The following CIB4 variants were observed in gnomAD, a reference collection of about 807,000 sequenced individuals.
The protein encoded by CIB4 is calcium and integrin-binding family member 4.
CIB4 carries 25 observed loss-of-function variants against 25.8 expected under a neutral mutation model. The observed-to-expected ratio is 0.97, with a 90% CI of 0.71 to 1.35. The LOEUF (loss-of-function observed/expected upper bound fraction) is 1.35. Ranked by LOEUF, CIB4 falls within the 40% of genes most tolerant of loss-of-function variation. CIB4 has a pLI of 0.00. For synonymous variants in CIB4, 75 were observed against 81.4 expected (o/e 0.92, Z 0.42); for missense variants, 235 against 228.2 (o/e 1.03, Z -0.19).
chr2:26,593,791 C>A (rs947437170), intron 4 of CIB4, among the ~76,000 whole-genome samples: 5 of 152,228 alleles, frequency 3.3e-5, no homozygotes, highest in African/African-American at 4.8e-5. Flanking sequence ...GTGGTGGCAG[C>A]TCAAATCTCA....
At chr2:26,587,867 C>G (rs1558553932) in intron 4 of CIB4, among the ~76,000 whole-genome samples, 1 of 152,234 alleles carries the variant, frequency 6.6e-6, no homozygotes, top group Non-Finnish European at 1.5e-5. Context: ...TTTCCATACT[C>G]ATTTCTACTA....
chr2:26,616,157 T>A (rs1025696680), intron 3 of CIB4, among the ~76,000 whole-genome samples: 1 of 151,954 alleles, frequency 6.6e-6, no homozygotes, highest in East Asian at 1.9e-4. Flanking sequence ...CCTTGAGGAG[T>A]AAGTGAGATG....
rs1488400123 is a variant in CIB4, at chr2:26,627,042, T to A, written c.186+2368A>T. ...AGCCCTCCTGATCTTAGTCCAGTGC[T>A]TACTCCTTTGGGGGCCAAACAGAGA... is the stretch of plus-strand genomic sequence containing the variant. On this transcript the variant is annotated intron_variant, in intron 3 of 6. Coordinates refer to ENST00000288861, the MANE Select transcript of CIB4 (RefSeq NM_001029881.3). The surrounding 1 kb of genome is among the most constrained non-coding windows in gnomAD (Gnocchi z 4.0). Among the ~76,000 whole-genome samples the A allele has an allele frequency of 6.6e-6, 1 of 152,134 alleles. No homozygotes were observed. Among genetic ancestry groups the A allele is most frequent in the East Asian group, 1.9e-4 (1 of 5,198 alleles).
At chr2:26,602,060 T>C (rs1449601774) in intron 3 of CIB4, among the ~76,000 whole-genome samples, 1 of 152,194 alleles carries the variant, frequency 6.6e-6, no homozygotes, top group Non-Finnish European at 1.5e-5. Context: ...ATAGAAGCCA[T>C]GCCTTTATGC....
intron 4 of CIB4, among the ~76,000 whole-genome samples, chr2:26,590,894 T>G (rs894925883): frequency 5.9e-5 from 9 of 152,020 alleles, no homozygotes; most frequent in Non-Finnish European, 1.0e-4. Context: ...ACAAAGACAT[T>G]GTGGGGGATA....
At chr2:26,598,154 G>A (rs2148199711) in intron 3 of CIB4, among the ~76,000 whole-genome samples, 1 of 152,094 alleles carries the variant, frequency 6.6e-6, no homozygotes, top group African/African-American at 2.4e-5. Context: ...ACAAAAATTA[G>A]TAGGGCGTGA....
At chr2:26,636,996 C>T (rs1342523859) in intron 2 of CIB4, among the ~76,000 whole-genome samples, 2 of 152,128 alleles carry the variant, frequency 1.3e-5, no homozygotes, top group African/African-American at 4.8e-5. Flanking sequence ...TGTCCCTTAG[C>T]TTTCGATTTC....
At chr2:26,622,522 G>A (rs1398888212) in intron 3 of CIB4, among the ~76,000 whole-genome samples, 1 of 152,072 alleles carries the variant, frequency 6.6e-6, no homozygotes, top group East Asian at 1.9e-4. Context: ...GAAGTCAAAG[G>A]CTGAACTATC....
chr2:26,640,469 G>C, intron 2 of CIB4, 64 bp downstream of exon 2: 1 of 1,541,692 alleles, frequency 6.5e-7, no homozygotes, highest in Non-Finnish European at 8.9e-7. Context: ...GGCTGTATTA[G>C]GGCAAGAATC....
intron 2 of CIB4, among the ~76,000 whole-genome samples, chr2:26,638,800 A>G (rs888154187): frequency 6.6e-6 from 1 of 152,064 alleles, no homozygotes; most frequent in African/African-American, 2.4e-5. Context: ...AGAAATACAA[A>G]AATTTGCCGG....
chr2:26,600,039 C>T (rs1219270603), intron 3 of CIB4, among the ~76,000 whole-genome samples: 3 of 138,662 alleles, frequency 2.2e-5, no homozygotes, highest in African/African-American at 8.7e-5. Context: ...CGCCACTGCA[C>T]TCCAGCCTGG....
intron 3 of CIB4, among the ~76,000 whole-genome samples, chr2:26,614,686 A>T (rs1439367122): frequency 1.3e-5 from 2 of 152,150 alleles, no homozygotes; most frequent in Non-Finnish European, 2.9e-5. Context: ...GTCTTGACTC[A>T]CATGCACCCC....
chr2:26,619,249 C>T (rs1669155340), intron 3 of CIB4, among the ~76,000 whole-genome samples: 1 of 152,084 alleles, frequency 6.6e-6, no homozygotes, highest in South Asian at 2.1e-4. Context: ...CAGGGCCCTC[C>T]CCGGGGGGTG....
intron 4 of CIB4, among the ~76,000 whole-genome samples, chr2:26,589,576 C>A (rs1007203592): frequency 6.6e-6 from 1 of 152,188 alleles, no homozygotes; most frequent in African/African-American, 2.4e-5. Context: ...CCCACCTCAG[C>A]CTCTCAAAGT....
intron 3 of CIB4, among the ~76,000 whole-genome samples, chr2:26,622,585 G>T (rs1278248938): frequency 6.6e-6 from 1 of 152,064 alleles, no homozygotes; most frequent in African/African-American, 2.4e-5. Flanking sequence ...AATAAGGAAA[G>T]AATCAGCCAA....
intron 3 of CIB4, among the ~76,000 whole-genome samples, chr2:26,604,922 G>A (rs756662305): frequency 3.3e-5 from 5 of 152,024 alleles, no homozygotes; most frequent in African/African-American, 4.8e-5. Context: ...ACCAATCAAC[G>A]GGACCCAATT....
At chr2:26,625,667 C>A (rs1235222290) in intron 3 of CIB4, among the ~76,000 whole-genome samples, 1 of 152,138 alleles carries the variant, frequency 6.6e-6, no homozygotes, top group Non-Finnish European at 1.5e-5. Flanking sequence ...AAACAGGCTC[C>A]ACCCCCCCAC....
intron 3 of CIB4, among the ~76,000 whole-genome samples, chr2:26,601,224 AAAAAAAAATATATAT>A (rs1317073916): frequency 1.9e-4 from 10 of 51,842 alleles, no homozygotes; most frequent in African/African-American, 4.0e-4. Flanking sequence ...TGTCAAAAAA[AAAAAAAAATATATAT>A]ATATATATAT....
At chr2:26,622,329 C>A (rs1330840758) in intron 3 of CIB4, among the ~76,000 whole-genome samples, 1 of 152,066 alleles carries the variant, frequency 6.6e-6, no homozygotes, top group Non-Finnish European at 1.5e-5. Flanking sequence ...TCACTGTACT[C>A]CAGCCTGGGC....
Sources: allele counts gnomAD v4.1 joint callset (sites outside exome capture counted in the v4.1 genomes callset), GRCh38; gene constraint gnomAD v4.1.1; non-coding constraint Gnocchi (gnomAD v3.1); transcripts MANE v1.5; gene names NCBI Gene and HGNC (gene_info 2026-07-23, HGNC 2026-07-21).